The following AGBL4 variants were observed in gnomAD, a reference collection of about 807,000 sequenced individuals.
The protein encoded by AGBL4 is AGBL carboxypeptidase 4, also known as cytosolic carboxypeptidase 6.
AGBL4 carries 58 observed loss-of-function variants against 66.4 expected under a neutral mutation model. The ratio of observed to expected loss-of-function variants is 0.87; its 90% CI spans 0.71 to 1.09. The LOEUF is 1.09. Among genes scored for constraint, AGBL4 ranks in the 50% least tolerant of loss-of-function variants. AGBL4 has a pLI of 0.00. For missense variants in AGBL4, 579 were observed against 631.0 expected (o/e 0.92, Z 0.88); for synonymous variants, 234 against 222.9 (o/e 1.05, Z -0.44).
chr1:48,808,803 C>T (rs1558009333), intron 6 of AGBL4, among the ~76,000 whole-genome samples: 1 of 152,210 alleles, frequency 6.6e-6, no homozygotes, highest in Non-Finnish European at 1.5e-5. Flanking sequence ...CTTTCTCTCC[C>T]TGGAGCCGTA....
chr1:49,745,560 G>A (rs1650919682), intron 2 of AGBL4, among the ~76,000 whole-genome samples: 1 of 151,776 alleles, frequency 6.6e-6, no homozygotes, highest in South Asian at 2.1e-4. Flanking sequence ...ACAGATAAGA[G>A]AAGACCACTC....
intron 2 of AGBL4, among the ~76,000 whole-genome samples, chr1:49,788,857 A>G (rs551513274): frequency 1.3e-5 from 2 of 152,324 alleles, no homozygotes; most frequent in Admixed American, 1.3e-4. Flanking sequence ...TGATTGCCCT[A>G]GCCAGAACTT....
intron 1 of AGBL4, among the ~76,000 whole-genome samples, chr1:49,982,853 T>TC (rs1043587475): frequency 6.6e-6 from 1 of 152,100 alleles, no homozygotes; most frequent in African/African-American, 2.4e-5. Flanking sequence ...AGCTACCCAC[T>TC]CCAGGGTCTC....
intron 1 of AGBL4, among the ~76,000 whole-genome samples, chr1:49,869,361 T>C (rs529769517): frequency 4.5e-4 from 69 of 152,142 alleles, no homozygotes; most frequent in Non-Finnish European, 7.3e-4. Context: ...CCATCAATGA[T>C]AGACTGGATA....
chr1:49,342,425 G>A (rs1359889605), intron 3 of AGBL4, among the ~76,000 whole-genome samples: 1 of 152,074 alleles, frequency 6.6e-6, no homozygotes, highest in Non-Finnish European at 1.5e-5. Flanking sequence ...CTTTGCTGCA[G>A]GTTCCTGAAA....
chr1:49,384,568 G>A (rs569737810), intron 3 of AGBL4, among the ~76,000 whole-genome samples: 11 of 151,988 alleles, frequency 7.2e-5, no homozygotes, highest in Non-Finnish European at 1.3e-4. Context: ...ACTCCAGCCT[G>A]GGTGACAGAG....
chr1:49,652,824 C>A (rs1646036013), intron 3 of AGBL4, among the ~76,000 whole-genome samples: 1 of 152,116 alleles, frequency 6.6e-6, no homozygotes, highest in Non-Finnish European at 1.5e-5. Flanking sequence ...CTCTGATATC[C>A]CTGAGAGAAG....
chr1:48,975,368 C>T lies in AGBL4; in HGVS notation c.594+70216G>A, dbSNP rs186364114. The stretch of plus-strand genomic sequence containing the variant: ...TAGGTCCAGACTACAATGAATGTTG[C>T]GCTGGTTTGGACCTTATGACCCAAC... On this transcript the variant is annotated intron_variant, in intron 5 of 13. Coordinates refer to ENST00000371839, the MANE Select transcript of AGBL4 (RefSeq NM_032785.4). 1.8e-4 allele frequency among the ~76,000 whole-genome samples: 27 copies of T among 152,124 alleles called. No individual in the cohort carries two copies. The East Asian group carries it at 4.9e-3, about 27-fold the overall frequency.
chr1:49,245,861 C>A lies in AGBL4; in HGVS notation c.286G>T (p.Val96Phe), dbSNP rs1440726353. ...TVENVKESQR[V>F]IFNIVNFSKT... ...CTGAAGTTAACAATGTTGAAAATGA[C>A]CCTCTGAAAAAGAAAGAGGGAGAAG... Residue 96 changes from valine (V) to phenylalanine (F), a missense_variant, in exon 4 of 14, where the codon GTC becomes TTC. Transcript: ENST00000371839. The A allele has an allele frequency of 1.9e-6, 3 of 1,546,524 alleles. No individual in the cohort carries two copies. The highest frequency in any genetic ancestry group is 1.7e-6 in the Non-Finnish European group (2 of 1,143,164).
At chr1:49,938,265 C>T (rs866915016) in intron 1 of AGBL4, among the ~76,000 whole-genome samples, 16 of 152,022 alleles carry the variant, frequency 1.1e-4, no homozygotes, top group African/African-American at 3.9e-4. Context: ...ATAAATTCCT[C>T]GACACATACA....
chr1:48,568,633 C>T lies in AGBL4; in HGVS notation c.1267+18371G>A, dbSNP rs1049802345. On this transcript the variant is annotated intron_variant, in intron 11 of 13. Transcript: ENST00000371839. ...GTGGGGCTAGGAAGAATACTCCAAC[C>T]ACAGCCCTTCCCTGTACTTGAAGCT... Among the ~76,000 whole-genome samples, 8 of 152,294 alleles carry T rather than the reference C, an allele frequency of 5.3e-5. No individual in the cohort carries two copies. In the East Asian group the frequency reaches 1.5e-3, roughly 29 times the overall value.
At chr1:49,597,271 T>C (rs1280620221) in intron 3 of AGBL4, among the ~76,000 whole-genome samples, 1 of 152,212 alleles carries the variant, frequency 6.6e-6, no homozygotes, top group African/African-American at 2.4e-5. Context: ...ATAGACATTA[T>C]CTGTGTCTTA....
chr1:49,862,543 A>G lies in AGBL4; in HGVS notation c.35-11025T>C, dbSNP rs182580241. 1.8e-4 allele frequency among the ~76,000 whole-genome samples: 27 copies of G among 152,284 alleles called. No individual in the cohort carries two copies. In the East Asian group the frequency reaches 5.2e-3, roughly 29 times the overall value. The stretch of plus-strand genomic sequence containing the variant: ...ATCAATATACAAGCACAAAAAGGTT[A>G]TGGAACACCAATGAGATTTAACCCA... On this transcript the variant is annotated intron_variant, in intron 1 of 13. Transcript: ENST00000371839.
intron 11 of AGBL4, chr1:48,584,335 C>G (rs1569883824): frequency 6.6e-6 from 1 of 152,198 alleles, no homozygotes; most frequent in African/African-American, 2.4e-5. Flanking sequence ...CCACTTACAG[C>G]TTCTGCCCAT....
chr1:49,930,515 T>C (rs1367289836), intron 1 of AGBL4, among the ~76,000 whole-genome samples: 3 of 152,050 alleles, frequency 2.0e-5, no homozygotes, highest in Non-Finnish European at 4.4e-5. Context: ...CATGAACATA[T>C]ATGCAAAAAT....
chr1:49,313,877 T>C (rs1644987966), intron 3 of AGBL4, among the ~76,000 whole-genome samples: 1 of 152,216 alleles, frequency 6.6e-6, no homozygotes, highest in Non-Finnish European at 1.5e-5. Context: ...TTTAATTAGA[T>C]CCCATTTGTC....
At chr1:48,939,584 GGTTAA>G (rs1655780829) in intron 5 of AGBL4, among the ~76,000 whole-genome samples, 1 of 152,178 alleles carries the variant, frequency 6.6e-6, no homozygotes, top group African/African-American at 2.4e-5. Context: ...GCTCTTTGGA[GGTTAA>G]AGGCTGGACA....
At chr1:48,846,139 CA>C (rs1404619007) in intron 6 of AGBL4, among the ~76,000 whole-genome samples, 1 of 152,070 alleles carries the variant, frequency 6.6e-6, no homozygotes, top group Non-Finnish European at 1.5e-5. Flanking sequence ...AGAGAGAATT[CA>C]GGCCCAAAAC....
At chr1:48,572,307 C>A (rs1174887048) in intron 11 of AGBL4, among the ~76,000 whole-genome samples, 1 of 152,086 alleles carries the variant, frequency 6.6e-6, no homozygotes, top group Non-Finnish European at 1.5e-5. Flanking sequence ...TAATTCTCCA[C>A]TTAAGAGAGG....
Sources: allele counts gnomAD v4.1 joint callset (sites outside exome capture counted in the v4.1 genomes callset), GRCh38; gene constraint gnomAD v4.1.1; transcripts MANE v1.5; gene names NCBI Gene and HGNC (gene_info 2026-07-23, HGNC 2026-07-21).